Variants in KAZN observed in about 807,000 individuals in gnomAD.
KAZN encodes the protein kazrin, periplakin interacting protein, also known as kazrin.
A neutral mutation model predicts 87.4 loss-of-function variants in KAZN; 40 were observed. That is an observed-to-expected ratio of 0.46 (90% CI 0.36 to 0.60). The LOEUF (loss-of-function observed/expected upper bound fraction) is 0.60. Ranked by LOEUF, KAZN falls within the 20% of genes least tolerant of loss-of-function variation. KAZN has a pLI of 0.00. For missense variants in KAZN, 898 were observed against 1,073.9 expected (o/e 0.84, Z 2.29); for synonymous variants, 466 against 458.3 (o/e 1.02, Z -0.22).
intron 2 of KAZN, among the ~76,000 whole-genome samples, chr1:14,577,764 T>C (rs1049195662): frequency 6.6e-6 from 1 of 152,196 alleles, no homozygotes; most frequent in South Asian, 2.1e-4. Flanking sequence ...TCCTGACCAT[T>C]GACAAAGCTT....
At chr1:14,294,370 G>GA (rs1210180571) in intron 2 of KAZN, among the ~76,000 whole-genome samples, 1 of 152,130 alleles carries the variant, frequency 6.6e-6, no homozygotes, top group Non-Finnish European at 1.5e-5. Flanking sequence ...CCCACTTGCA[G>GA]ATATACTGCA....
intron 1 of KAZN, among the ~76,000 whole-genome samples, chr1:14,834,677 A>G (rs1335115558): frequency 6.6e-6 from 1 of 152,188 alleles, no homozygotes. Flanking sequence ...ACATCATTTT[A>G]AAATTAGCAT....
At chr1:14,943,100 G>A (rs185308833) in intron 1 of KAZN, among the ~76,000 whole-genome samples, 1 of 139,370 alleles carries the variant, frequency 7.2e-6, no homozygotes, top group African/African-American at 2.7e-5. Flanking sequence ...TACATTTTTC[G>A]AATAGTTTTC....
Position 14,178,490 on chromosome 1 carries a change from A to T in KAZN, c.92-1945A>T, listed in dbSNP as rs374565786. 6.6e-5 allele frequency among the ~76,000 whole-genome samples: 10 copies of T among 152,270 alleles called. No homozygotes were observed. In the East Asian group the frequency reaches 1.5e-3, roughly 24 times the overall value. On this transcript the variant is annotated intron_variant, in intron 1 of 16. Transcript: ENST00000636203. ...ATTAATCTCATCCAATGAGAATTCCATTTCAGATTTTGCATTTTTCATCCC... is the reference window on the plus strand; with the variant it reads ...ATTAATCTCATCCAATGAGAATTCCTTTTCAGATTTTGCATTTTTCATCCC...
rs1286854207 is a variant in KAZN, at chr1:14,662,917, C to CATATATATGTATATATTATATATGTAA, written c.226+63703_226+63729dup. Among the ~76,000 whole-genome samples the CATATATATGTATATATTATATATGTAA allele has an allele frequency of 8.7e-3, 1,262 of 145,408 alleles. 10 individuals carry two copies. The highest frequency in any genetic ancestry group is 0.014 in the Non-Finnish European group (912 of 66,890). The stretch of plus-strand genomic sequence containing the variant: ...TTATATATGTAAATATATATATACA[C>CATATATATGTATATATTATATATGTAA]ATATATATGTATATATTATATATGT... On this transcript the variant is annotated intron_variant, in intron 1 of 14. Coordinates refer to ENST00000376030, the MANE Select transcript of KAZN (RefSeq NM_201628.3).
chr1:14,709,382 C>A (rs1433958547), intron 1 of KAZN, among the ~76,000 whole-genome samples: 2 of 152,096 alleles, frequency 1.3e-5, no homozygotes, highest in African/African-American at 4.8e-5. Context: ...TTAGTGAAGC[C>A]TCCACAAATG....
chr1:14,603,009 TA>T lies in KAZN; in HGVS notation c.226+3790del, dbSNP rs1677098243. On this transcript the variant is annotated intron_variant, in intron 1 of 14. Coordinates refer to ENST00000376030, the MANE Select transcript of KAZN (RefSeq NM_201628.3). ...AAGTTGTATTTTTCTCTCCAGGCATTAAAATAGGCTGTTACTTAAGGCCTGA... is the reference window on the plus strand; with the variant it reads ...AAGTTGTATTTTTCTCTCCAGGCATTAAATAGGCTGTTACTTAAGGCCTGA... 2.0e-5 allele frequency among the ~76,000 whole-genome samples: 3 copies of T among 152,304 alleles called. No individual in the cohort carries two copies. In the East Asian group the frequency reaches 5.8e-4, roughly 29 times the overall value.
intron 2 of KAZN, among the ~76,000 whole-genome samples, chr1:14,376,321 A>G (rs1660916180): frequency 6.6e-6 from 1 of 152,196 alleles, no homozygotes; most frequent in South Asian, 2.1e-4. Context: ...AACAGAGTTG[A>G]AAGATGGGAC....
chr1:14,383,218 C>A (rs1311031011), intron 2 of KAZN, among the ~76,000 whole-genome samples: 1 of 151,410 alleles, frequency 6.6e-6, no homozygotes, highest in Non-Finnish European at 1.5e-5. Context: ...GATATTAGCC[C>A]TTTGTCAGAT....
chr1:14,952,241 T>TGTGA (rs1491582906), intron 1 of KAZN, among the ~76,000 whole-genome samples: 1 of 14,308 alleles, frequency 7.0e-5, no homozygotes, highest in African/African-American at 1.7e-3. Flanking sequence ...TCTTTCCCAC[T>TGTGA]GTGTGTGTGT....
At chr1:14,704,129 C>A (rs1557901833) in intron 1 of KAZN, among the ~76,000 whole-genome samples, 2 of 152,204 alleles carry the variant, frequency 1.3e-5, no homozygotes, top group Non-Finnish European at 2.9e-5. Context: ...TCTACCTCCC[C>A]TGGGATGGAG....
chr1:14,571,931 C>G (rs1361567427), intron 2 of KAZN, among the ~76,000 whole-genome samples: 1 of 152,144 alleles, frequency 6.6e-6, no homozygotes, highest in African/African-American at 2.4e-5. Context: ...GGAGCATCCA[C>G]CTGGTTCTCT....
chr1:14,060,911 TGCTG>T (rs1458123865), intron 1 of KAZN, among the ~76,000 whole-genome samples: 2 of 152,230 alleles, frequency 1.3e-5, no homozygotes, highest in Non-Finnish European at 2.9e-5. Context: ...TAAGAACTCC[TGCTG>T]CCTGCAGTGG....
At chr1:15,101,485 C>A (rs1226838026) in intron 10 of KAZN, 58 bp from the exon 11 acceptor site, 32 of 1,180,182 alleles carry the variant, frequency 2.7e-5, no homozygotes, top group Non-Finnish European at 3.9e-5. Flanking sequence ...TCTGCCCGTC[C>A]GTCTGTTTCT....
intron 1 of KAZN, among the ~76,000 whole-genome samples, chr1:14,940,581 A>C (rs1660943235): frequency 6.6e-6 from 1 of 152,172 alleles, no homozygotes; most frequent in East Asian, 1.9e-4. Context: ...TCCCAGCTTA[A>C]CCAACCTTAG....
In KAZN at chr1:15,090,834, T is replaced by C. The variant is rs187127305; in HGVS notation, c.1223-3346T>C. 1.5e-3 allele frequency among the ~76,000 whole-genome samples: 229 copies of C among 152,090 alleles called. 1 individual carries two copies. Among genetic ancestry groups the C allele is most frequent in the African/African-American group, 5.3e-3 (219 of 41,482 alleles). Reference sequence around the variant, plus strand: ...GCAGGCAGCAGAGAATGGTACCGGGTTAGCTTTACAGAGGAGGAAACTGAG... The same window carrying C: ...GCAGGCAGCAGAGAATGGTACCGGGCTAGCTTTACAGAGGAGGAAACTGAG... On this transcript the variant is annotated intron_variant, in intron 8 of 14. Transcript: ENST00000376030.
chr1:14,403,215 G>A (rs1455975272), intron 2 of KAZN, among the ~76,000 whole-genome samples: 1 of 152,080 alleles, frequency 6.6e-6, no homozygotes, highest in Non-Finnish European at 1.5e-5. Flanking sequence ...AATGGTGCTG[G>A]GAGAATTAGC....
chr1:14,510,746 A>T (rs1270626585), intron 2 of KAZN, among the ~76,000 whole-genome samples: 1 of 152,172 alleles, frequency 6.6e-6, no homozygotes, highest in Non-Finnish European at 1.5e-5. Context: ...CAGGCAAAGG[A>T]TGATGATGGC....
At chr1:14,568,287 T>C (rs775044177) in intron 2 of KAZN, among the ~76,000 whole-genome samples, 12 of 152,152 alleles carry the variant, frequency 7.9e-5, no homozygotes, top group Non-Finnish European at 1.5e-4. Flanking sequence ...AGATTCAAAT[T>C]CTGCCAACAA....
Sources: gnomAD v4.1 joint callset for allele counts (sites outside exome capture counted in the v4.1 genomes callset) on GRCh38, gnomAD v4.1.1 for gene constraint, MANE v1.5 for transcripts, NCBI Gene and HGNC (gene_info 2026-07-23, HGNC 2026-07-21) for gene names.